The following VSNL1 variants were observed in gnomAD, a reference collection of about 807,000 sequenced individuals.
The protein encoded by VSNL1 is visinin-like protein 1.
In VSNL1, 6 loss-of-function variants were observed where a neutral mutation model predicts 20.4. That is an observed-to-expected ratio of 0.29 (90% CI 0.16 to 0.58). The LOEUF is 0.58. Among genes scored for constraint, VSNL1 ranks in the 20% least tolerant of loss-of-function variants. The pLI, the probability that VSNL1 is intolerant of heterozygous loss-of-function variation, is 0.90. For missense variants in VSNL1, 100 were observed against 234.5 expected, an observed-to-expected ratio of 0.43 and a Z score of 3.75; for synonymous variants, 93 against 86.4, an observed-to-expected ratio of 1.08 and a Z score of -0.42.
intron 2 of VSNL1, among the ~76,000 whole-genome samples, chr2:17,595,323 C>G (rs776083141): frequency 2.0e-5 from 3 of 152,198 alleles, no homozygotes; most frequent in Non-Finnish European, 4.4e-5. Context: ...GACTATGGGA[C>G]AGTCCTGCCT....
At chr2:17,633,575 C>T (rs1665686409) in intron 2 of VSNL1, among the ~76,000 whole-genome samples, 1 of 151,886 alleles carries the variant, frequency 6.6e-6, no homozygotes, top group South Asian at 2.1e-4. Flanking sequence ...CTAGCAGAGG[C>T]CACCTTCACC....
At chr2:17,593,792 G>A (rs186568288) in intron 2 of VSNL1, among the ~76,000 whole-genome samples, 1 of 152,322 alleles carries the variant, frequency 6.6e-6, no homozygotes, top group Non-Finnish European at 1.5e-5. Flanking sequence ...TTGCAGAGAA[G>A]TGGGATAGTA....
chr2:17,618,734 C>T (rs1408734294), intron 2 of VSNL1, among the ~76,000 whole-genome samples: 1 of 152,172 alleles, frequency 6.6e-6, no homozygotes, highest in East Asian at 1.9e-4. Flanking sequence ...TAGATTTTTA[C>T]ACATATTAAC....
At chr2:17,622,552 GAA>G (rs370497388) in intron 2 of VSNL1, among the ~76,000 whole-genome samples, 3 of 88,622 alleles carry the variant, frequency 3.4e-5, no homozygotes, top group East Asian at 5.5e-4. Flanking sequence ...AAGAAAGAAA[GAA>G]AGAAAGAAAG....
intron 1 of VSNL1, among the ~76,000 whole-genome samples, chr2:17,559,109 G>C (rs62131507): frequency 6.6e-6 from 1 of 151,904 alleles, no homozygotes; most frequent in African/African-American, 2.4e-5. Flanking sequence ...GCCACATATC[G>C]GCTTTCTAAC....
chr2:17,598,231 C>T (rs1664752057), intron 2 of VSNL1, among the ~76,000 whole-genome samples: 1 of 152,206 alleles, frequency 6.6e-6, no homozygotes, highest in Non-Finnish European at 1.5e-5. Flanking sequence ...TGTACACAAA[C>T]ATATAATAAT....
Position 17,637,663 on chromosome 2 carries a change from CAG to C in VSNL1, c.163-11742_163-11741del, listed in dbSNP as rs1267487610. Among the ~76,000 whole-genome samples, 6 of 152,306 alleles carry C rather than the reference CAG, an allele frequency of 3.9e-5. No individual in the cohort carries two copies. The South Asian group carries it at 1.0e-3, about 26-fold the overall frequency. Reference sequence around the variant, plus strand: ...GAGGACCCATTAGCAGCTTCTGCATCAGAGAGTGTGCGCTATGCAAACCCCAG... The same window carrying C: ...GAGGACCCATTAGCAGCTTCTGCATCAGAGTGTGCGCTATGCAAACCCCAG... On this transcript the variant is annotated intron_variant, in intron 2 of 3. Transcript: ENST00000295156.
At chr2:17,568,631 A>T (rs557796664) in intron 1 of VSNL1, among the ~76,000 whole-genome samples, 1 of 152,276 alleles carries the variant, frequency 6.6e-6, no homozygotes, top group African/African-American at 2.4e-5. Context: ...TTTAATCCCA[A>T]AACATCCCTT....
chr2:17,646,653 T>C (rs754143681), intron 2 of VSNL1, among the ~76,000 whole-genome samples: 34 of 152,254 alleles, frequency 2.2e-4, no homozygotes, highest in Admixed American at 3.3e-4. Flanking sequence ...GTTCTTTGTA[T>C]CTGTCATATT....
chr2:17,552,903 A>G (rs1663578369), intron 1 of VSNL1, among the ~76,000 whole-genome samples: 1 of 152,210 alleles, frequency 6.6e-6, no homozygotes, highest in Admixed American at 6.5e-5. Flanking sequence ...GATAGGCCTT[A>G]TCACTCTGAA....
rs1665707202 is a variant in VSNL1, at chr2:17,634,472, A to G, written c.163-14938A>G. On this transcript the variant is annotated intron_variant, in intron 2 of 3. Transcript: ENST00000295156. The surrounding 1 kb of genome is among the most constrained non-coding windows in gnomAD (Gnocchi z 4.3). Reference sequence around the variant, plus strand: ...AGCCTTTGCATTTAGCGGTCTTCTCAACACGTGTCCAGGGAAGAAGCAAGA... The same window carrying G: ...AGCCTTTGCATTTAGCGGTCTTCTCGACACGTGTCCAGGGAAGAAGCAAGA... Among the ~76,000 whole-genome samples the G allele has an allele frequency of 6.6e-6, 1 of 152,180 alleles. No homozygotes were observed. The highest frequency in any genetic ancestry group is 6.5e-5 in the Admixed American group (1 of 15,272).
chr2:17,637,237 C>T (rs1027088959), intron 2 of VSNL1, among the ~76,000 whole-genome samples: 1 of 152,208 alleles, frequency 6.6e-6, no homozygotes, highest in African/African-American at 2.4e-5. Context: ...CTGTGCTTTC[C>T]CTGCAGACTC....
intron 1 of VSNL1, among the ~76,000 whole-genome samples, chr2:17,586,037 GACCTC>G (rs1664465779): frequency 6.6e-6 from 1 of 151,988 alleles, no homozygotes; most frequent in Admixed American, 6.6e-5. Context: ...TCAAACTCCT[GACCTC>G]AGGTGATCTG....
chr2:17,648,577 T>C (rs1666050544), intron 2 of VSNL1, among the ~76,000 whole-genome samples: 1 of 152,176 alleles, frequency 6.6e-6, no homozygotes, highest in Admixed American at 6.5e-5. Context: ...ACATGGTTTG[T>C]TTTTGGTTGT....
At chr2:17,545,722 A>G (rs1386135238) in intron 1 of VSNL1, among the ~76,000 whole-genome samples, 2 of 152,124 alleles carry the variant, frequency 1.3e-5, no homozygotes, top group Non-Finnish European at 2.9e-5. Context: ...GATGCTTTAG[A>G]AACTATTTAA....
intron 1 of VSNL1, 64 bp from the exon 2 acceptor site, chr2:17,592,006 C>G (rs1664602601): frequency 1.3e-6 from 2 of 1,593,738 alleles, no homozygotes; most frequent in Non-Finnish European, 1.7e-6. Flanking sequence ...TCTAGCTTGG[C>G]TCCTAACCAA....
intron 2 of VSNL1, among the ~76,000 whole-genome samples, chr2:17,608,757 G>C (rs1468015300): frequency 1.3e-5 from 2 of 152,154 alleles, no homozygotes; most frequent in Non-Finnish European, 2.9e-5. Flanking sequence ...AGGCAGGAAT[G>C]ACCATTTCCC....
intron 1 of VSNL1, among the ~76,000 whole-genome samples, chr2:17,564,841 G>A (rs917585263): frequency 2.0e-5 from 3 of 152,130 alleles, no homozygotes; most frequent in Admixed American, 1.3e-4. Flanking sequence ...TGAAAGTATC[G>A]CAGATGCAAT....
intron 1 of VSNL1, among the ~76,000 whole-genome samples, chr2:17,541,961 G>A (rs182584928): frequency 1.2e-4 from 19 of 152,266 alleles, no homozygotes; most frequent in Admixed American, 3.3e-4. Flanking sequence ...TTCTAGAGTT[G>A]CCCTCCTGTC....
Sources: gnomAD v4.1 joint callset for allele counts (sites outside exome capture counted in the v4.1 genomes callset) on GRCh38, gnomAD v4.1.1 for gene constraint, Gnocchi (gnomAD v3.1) non-coding constraint, MANE v1.5 for transcripts, NCBI Gene and HGNC (gene_info 2026-07-23, HGNC 2026-07-21) for gene names.